The following SCAMP5 variants were observed in gnomAD, a reference collection of about 807,000 sequenced individuals.
The protein encoded by SCAMP5 is secretory carrier-associated membrane protein 5.
SCAMP5 carries 7 observed loss-of-function variants against 28.3 expected under a neutral mutation model. That is an observed-to-expected ratio of 0.25 (90% CI 0.14 to 0.46). SCAMP5 has a LOEUF of 0.46. Ranked by LOEUF, SCAMP5 falls within the 20% of genes least tolerant of loss-of-function variation. The pLI, the probability that SCAMP5 is intolerant of heterozygous loss-of-function variation, is 0.99. For synonymous variants in SCAMP5, 117 were observed against 116.4 expected (o/e 1.00, Z -0.03); for missense variants, 192 against 312.5 (o/e 0.61, Z 2.91).
chr15:75,018,713 G>T lies in SCAMP5; in HGVS notation c.514-76G>T. 2 of 1,155,348 alleles carry T rather than the reference G, an allele frequency of 1.7e-6. No individual in the cohort carries two copies. Among genetic ancestry groups the T allele is most frequent in the Non-Finnish European group, 2.6e-6 (2 of 778,140 alleles). 71.6% of individuals were successfully genotyped at this position (1,155,348 alleles called of 1,614,324 possible). A position where few individuals can be genotyped will look rare whatever the true frequency, so the allele number is the denominator to read the frequency against. Reference sequence around the variant, plus strand: ...GAGGGAGCACTGTTTTTTTTTTACAGATGGGTCCCATCTATTTCCTGGATG... The same window carrying T: ...GAGGGAGCACTGTTTTTTTTTTACATATGGGTCCCATCTATTTCCTGGATG... On this transcript the variant is annotated intron_variant, in intron 6 of 6. Transcript: ENST00000425597. The surrounding 1 kb of genome is among the most constrained non-coding windows in gnomAD (Gnocchi z 5.6).
chr15:75,015,270 C>G (rs979413534), intron 3 of SCAMP5, among the ~76,000 whole-genome samples: 1 of 152,130 alleles, frequency 6.6e-6, no homozygotes, highest in African/African-American at 2.4e-5. Flanking sequence ...TTCAGCAGGT[C>G]TTTGTGGACT....
In SCAMP5 at chr15:74,995,563, C is replaced by T. The variant is rs1451005208; in HGVS notation, c.-159C>T. On this transcript the variant is annotated 5_prime_UTR_variant, in exon 1 of 7. Coordinates refer to ENST00000425597, the MANE Select transcript of SCAMP5 (RefSeq NM_138967.4). ...GGGCGCGCGCGCGCGCGCGCGCGCTCCCCGCCCCCAGCCCCGGAGCGGCTC... is the reference window on the plus strand; with the variant it reads ...GGGCGCGCGCGCGCGCGCGCGCGCTTCCCGCCCCCAGCCCCGGAGCGGCTC... The T allele has an allele frequency of 2.0e-5, 3 of 146,734 alleles. No homozygotes were observed. The highest frequency in any genetic ancestry group is 3.0e-5 in the Non-Finnish European group (2 of 65,944). The allele number at this position is 146,734 out of a possible 1,614,324, so 9.1% of individuals were successfully genotyped here.
chr15:75,011,209 A>G (rs2065808359), intron 1 of SCAMP5, among the ~76,000 whole-genome samples: 2 of 134,010 alleles, frequency 1.5e-5, no homozygotes, highest in South Asian at 3.4e-4. Context: ...CTGTCTCAAA[A>G]AAAGTTTTTT....
At chr15:75,007,336 C>T (rs1595884200) in intron 1 of SCAMP5, among the ~76,000 whole-genome samples, 1 of 152,188 alleles carries the variant, frequency 6.6e-6, no homozygotes, top group South Asian at 2.1e-4. Context: ...AGAGTCGTCA[C>T]AGCAGTACCA....
intron 4 of SCAMP5, among the ~76,000 whole-genome samples, chr15:75,017,034 G>A (rs2065865878): frequency 2.6e-5 from 4 of 151,904 alleles, no homozygotes; most frequent in Admixed American, 2.6e-4. Context: ...CCCTTCCTCA[G>A]GCAGCTGCAT....
Position 75,000,816 on chromosome 15 carries a change from C to G in SCAMP5, c.-49+5143C>G, listed in dbSNP as rs565993716. 2.6e-5 allele frequency among the ~76,000 whole-genome samples: 4 copies of G among 151,754 alleles called. No homozygotes were observed. In the South Asian group the frequency reaches 8.3e-4, roughly 32 times the overall value. On this transcript the variant is annotated intron_variant, in intron 1 of 6. Transcript: ENST00000425597. ...ACCTAGCCCCATTTACCTTTCAACT[C>G]CATTTTGCCTTTCCTTTGCTCCCTT...
intron 2 of SCAMP5, 38 bp from the exon 3 acceptor site, chr15:75,012,639 G>A: frequency 1.2e-6 from 2 of 1,613,084 alleles, no homozygotes; most frequent in Non-Finnish European, 1.7e-6. Context: ...TCGGGTGGAA[G>A]ACTGGAGGTG....
chr15:75,001,289 A>G (rs1197674926), intron 1 of SCAMP5, among the ~76,000 whole-genome samples: 2 of 151,686 alleles, frequency 1.3e-5, no homozygotes, highest in East Asian at 1.9e-4. Flanking sequence ...AAAAAAAAAA[A>G]AAGATTCAGA....
intron 1 of SCAMP5, among the ~76,000 whole-genome samples, chr15:75,002,430 TCCCTACC>T (rs2065718513): frequency 6.6e-6 from 1 of 152,046 alleles, no homozygotes. Flanking sequence ...CTGGGCCCTC[TCCCTACC>T]CCCATATCCT....
intron 1 of SCAMP5, among the ~76,000 whole-genome samples, chr15:75,005,410 C>T (rs1380220843): frequency 1.3e-5 from 2 of 150,720 alleles, no homozygotes; most frequent in African/African-American, 4.9e-5. Context: ...CGGCGAGCCA[C>T]GATTGCACCA....
chr15:75,013,066 G>A, intron 3 of SCAMP5: 1 of 510,996 alleles, frequency 2.0e-6, no homozygotes, highest in Non-Finnish European at 3.5e-6. Flanking sequence ...TCCTTTCACA[G>A]AGCATCTGGA....
chr15:75,005,981 C>CT (rs527501720), intron 1 of SCAMP5, among the ~76,000 whole-genome samples: 9,646 of 80,830 alleles, frequency 0.12, 701 homozygotes, highest in Admixed American at 0.14. Context: ...CTCGGCCTCC[C>CT]TTTTTTTTTT....
Position 75,018,852 on chromosome 15 carries a change from G to A in SCAMP5, c.577G>A (p.Gly193Arg). The change falls in exon 7 of 7, where the codon GGG (glycine) becomes AGG (arginine). Residue 193 changes from glycine to arginine, a missense_variant. Transcript: ENST00000425597. This position sits in a 1 kb window ranked among gnomAD's most constrained non-coding sequence, Gnocchi z 5.6. ...FSKAQEEWTT[G>R]AWKNPHVQQA... Reference sequence around the variant, plus strand: ...CAAAGCTCAGGAGGAGTGGACCACAGGGGCCTGGAAGAATCCACATGTGCA... The same window carrying A: ...CAAAGCTCAGGAGGAGTGGACCACAAGGGCCTGGAAGAATCCACATGTGCA... 6.3e-7 allele frequency: 1 copy of A among 1,599,378 alleles called. No homozygotes were observed. Among genetic ancestry groups the A allele is most frequent in the Non-Finnish European group, 8.5e-7 (1 of 1,176,172 alleles).
intron 1 of SCAMP5, among the ~76,000 whole-genome samples, chr15:75,002,803 A>G (rs2065722115): frequency 6.6e-6 from 1 of 151,234 alleles, no homozygotes; most frequent in South Asian, 2.1e-4. Context: ...GCATTTATAT[A>G]TGATTTACAG....
chr15:75,016,550 T>G, intron 3 of SCAMP5, 43 bp from the exon 4 acceptor site: 1 of 1,581,802 alleles, frequency 6.3e-7, no homozygotes, highest in East Asian at 2.3e-5. Flanking sequence ...TCTATGGGCC[T>G]GGGTGTCTGT....
chr15:75,000,519 G>A (rs1255469086), intron 1 of SCAMP5, among the ~76,000 whole-genome samples: 1 of 151,930 alleles, frequency 6.6e-6, no homozygotes, highest in African/African-American at 2.4e-5. Context: ...CGAGTAGCTG[G>A]GACTACGGGC....
chr15:75,013,012 A>G (rs2065826697), intron 3 of SCAMP5: 2 of 574,246 alleles, frequency 3.5e-6, no homozygotes, highest in South Asian at 4.2e-5. Flanking sequence ...GTTTCCCTCA[A>G]CCTCCCCCAT....
chr15:75,006,496 TACA>T (rs1023213220), intron 1 of SCAMP5, among the ~76,000 whole-genome samples: 1 of 144,730 alleles, frequency 6.9e-6, no homozygotes, highest in African/African-American at 2.6e-5. Context: ...CTACTAAAAA[TACA>T]ACAATTGGCC....
intron 4 of SCAMP5, 81 bp downstream of exon 4, chr15:75,016,830 T>A: frequency 5.9e-5 from 9 of 152,084 alleles, no homozygotes; most frequent in Non-Finnish European, 1.1e-4. Context: ...TTCTCACTTC[T>A]TTTTTTTTTT....
Sources: allele counts gnomAD v4.1 joint callset (sites outside exome capture counted in the v4.1 genomes callset), GRCh38; gene constraint gnomAD v4.1.1; non-coding constraint Gnocchi (gnomAD v3.1); transcripts MANE v1.5; gene names NCBI Gene and HGNC (gene_info 2026-07-23, HGNC 2026-07-21).